The following MIA2 variants were observed in gnomAD, a reference collection of about 807,000 sequenced individuals.
MIA2 encodes the protein melanoma inhibitory activity protein 2.
In MIA2, 127 loss-of-function variants were observed where a neutral mutation model predicts 167.8. The observed-to-expected ratio is 0.76, with a 90% CI of 0.66 to 0.88. The LOEUF is 0.88. MIA2 is among the 40% of genes least tolerant of loss of function. MIA2 has a pLI of 0.00. For missense variants in MIA2, 1,690 were observed against 1,624.7 expected (o/e 1.04, Z -0.69); for synonymous variants, 552 against 541.9 (o/e 1.02, Z -0.26).
downstream of MIA2, among the ~76,000 whole-genome samples, chr14:39,355,865 C>G (rs891918824): frequency 6.6e-6 from 1 of 152,024 alleles, no homozygotes; most frequent in African/African-American, 2.4e-5. Flanking sequence ...TATTGATTTG[C>G]GTATGTTGAA....
rs150167740 is a variant in MIA2, at chr14:39,360,867, G to A, written c.2248+11890G>A. ...GATAAGGGTCTGGTTTCATTCTTCC[G>A]CATATGGATATCCAGTTTTCCCAAC... On this transcript the variant is annotated intron_variant, in intron 23 of 23. Coordinates refer to the MIA2 transcript ENST00000341502. Among the ~76,000 whole-genome samples, 13 of 152,206 alleles carry A rather than the reference G, an allele frequency of 8.5e-5. 1 individual carries two copies. The highest frequency in any genetic ancestry group is 2.1e-4 in the South Asian group (1 of 4,826).
At chr14:39,364,592 C>T (rs1319801713) in intron 23 of MIA2, among the ~76,000 whole-genome samples, 1 of 151,938 alleles carries the variant, frequency 6.6e-6, no homozygotes, top group Admixed American at 6.6e-5. Context: ...TTAAGCATTT[C>T]TTGTAGGTCT....
rs1363550628 is a variant in MIA2, at chr14:39,385,802, C to G, written c.2249-1083C>G. 91 of 888,474 alleles carry G rather than the reference C, an allele frequency of 1.0e-4. 1 individual carries two copies. Among genetic ancestry groups the G allele is most frequent in the Non-Finnish European group, 2.7e-5 (14 of 520,108 alleles). 55.0% of individuals were successfully genotyped at this position (888,474 alleles called of 1,614,324 possible). The stretch of plus-strand genomic sequence containing the variant: ...TTTAATTGCTGTTGCCTCTGGTTCT[C>G]AGTGCTTCTATTTACAACACAGGAA... On this transcript the variant is annotated intron_variant, in intron 23 of 23. Coordinates refer to the MIA2 transcript ENST00000341502.
intron 9 of MIA2, among the ~76,000 whole-genome samples, chr14:39,286,087 G>A (rs1165704603): frequency 6.6e-6 from 1 of 152,190 alleles, no homozygotes; most frequent in Admixed American, 6.5e-5. Context: ...GGGAGGCCAA[G>A]GCAGGTGGCT....
intron 24 of MIA2, among the ~76,000 whole-genome samples, chr14:39,321,557 C>T (rs1051545741): frequency 1.3e-5 from 2 of 151,962 alleles, no homozygotes; most frequent in Non-Finnish European, 2.9e-5. Context: ...ACCTCGTGAT[C>T]CACCCTCCTC....
chr14:39,338,010 A>G (rs960058210), intron 25 of MIA2, among the ~76,000 whole-genome samples: 1 of 152,240 alleles, frequency 6.6e-6, no homozygotes, highest in Non-Finnish European at 1.5e-5. Flanking sequence ...GGCGTGAGCC[A>G]CTGTGCCCGG....
intron 6 of MIA2, among the ~76,000 whole-genome samples, chr14:39,274,073 A>G (rs1314465634): frequency 6.6e-6 from 1 of 152,180 alleles, no homozygotes; most frequent in Non-Finnish European, 1.5e-5. Flanking sequence ...CAACCTGATT[A>G]ATTGATTTTT....
rs577156661 is a variant in MIA2 at position 39,245,387 on chromosome 14, A to C, written c.337-1524A>C. On this transcript the variant is annotated intron_variant, in intron 3 of 28. Transcript: ENST00000640607. ...TAATATAGCTGATGAGCTAAAAAGAAATATTGCAAAAAAAAAATCCCATAG... is the reference window on the plus strand; with the variant it reads ...TAATATAGCTGATGAGCTAAAAAGACATATTGCAAAAAAAAAATCCCATAG... Among the ~76,000 whole-genome samples, 3 of 151,610 alleles carry C rather than the reference A, an allele frequency of 2.0e-5. No individual in the cohort carries two copies. In the South Asian group the frequency reaches 6.2e-4, roughly 31 times the overall value.
intron 6 of MIA2, among the ~76,000 whole-genome samples, chr14:39,256,595 TAACA>T (rs1846036635): frequency 4.0e-5 from 6 of 151,678 alleles, no homozygotes; most frequent in Admixed American, 3.9e-4. Context: ...TAAAAAAAAA[TAACA>T]AAGAAATTAT....
At chr14:39,380,174 G>A (rs938499434) in intron 23 of MIA2, among the ~76,000 whole-genome samples, 1 of 152,150 alleles carries the variant, frequency 6.6e-6, no homozygotes, top group Admixed American at 6.5e-5. Flanking sequence ...TTTAGCATCA[G>A]GTCACAACAG....
intron 6 of MIA2, chr14:39,269,073 A>AGTTTT: frequency 2.8e-6 from 1 of 362,202 alleles, no homozygotes; most frequent in Non-Finnish European, 3.4e-6. Context: ...TCACCTGCAC[A>AGTTTT]GTTTTTTTTT....
intron 23 of MIA2, among the ~76,000 whole-genome samples, chr14:39,365,286 G>A (rs541752593): frequency 1.2e-4 from 18 of 152,156 alleles, no homozygotes; most frequent in Non-Finnish European, 2.5e-4. Flanking sequence ...GGCTGGTCTC[G>A]AACTTCTGAC....
intron 6 of MIA2, among the ~76,000 whole-genome samples, chr14:39,259,411 G>A (rs1486542736): frequency 2.6e-5 from 4 of 152,252 alleles, no homozygotes; most frequent in African/African-American, 9.6e-5. Flanking sequence ...GGAAAGAGAA[G>A]GAGAGTATCT....
At chr14:39,339,061 A>G (rs2071160794) in intron 25 of MIA2, among the ~76,000 whole-genome samples, 1 of 152,170 alleles carries the variant, frequency 6.6e-6, no homozygotes, top group South Asian at 2.1e-4. Flanking sequence ...GAAAGTGTTC[A>G]CTTCAGATCA....
At chr14:39,336,253 T>C (rs1415158130) in intron 25 of MIA2, among the ~76,000 whole-genome samples, 1 of 152,212 alleles carries the variant, frequency 6.6e-6, no homozygotes. Context: ...CTCTACAACC[T>C]TGGCAACATC....
At chr14:39,294,359 G>A (rs1209281070) in intron 12 of MIA2, among the ~76,000 whole-genome samples, 5 of 151,570 alleles carry the variant, frequency 3.3e-5, no homozygotes, top group Non-Finnish European at 7.4e-5. Context: ...CACCACACCC[G>A]GCTAAGTTTT....
intron 6 of MIA2, among the ~76,000 whole-genome samples, chr14:39,256,671 G>A (rs1012618134): frequency 6.6e-6 from 1 of 152,018 alleles, no homozygotes; most frequent in African/African-American, 2.4e-5. Flanking sequence ...AAAATGTGAA[G>A]AAATTGGAAT....
chr14:39,287,958 C>G (rs1480508040), intron 9 of MIA2, among the ~76,000 whole-genome samples: 1 of 152,004 alleles, frequency 6.6e-6, no homozygotes, highest in Non-Finnish European at 1.5e-5. Flanking sequence ...GATTCTCCCA[C>G]CTTAGCCTCC....
intron 3 of MIA2, among the ~76,000 whole-genome samples, chr14:39,245,923 C>T (rs186561667): frequency 3.8e-4 from 58 of 152,222 alleles, no homozygotes; most frequent in African/African-American, 1.3e-3. Flanking sequence ...TAGAACCCTA[C>T]CTCAAATCAA....
Sources: gnomAD v4.1 joint callset for allele counts (sites outside exome capture counted in the v4.1 genomes callset) on GRCh38, gnomAD v4.1.1 for gene constraint, MANE v1.5 for transcripts, NCBI Gene and HGNC (gene_info 2026-07-23, HGNC 2026-07-21) for gene names.